Variants in HMCN1 observed in about 807,000 individuals in gnomAD.
HMCN1 encodes the protein hemicentin 1, also known as hemicentin-1.
Under a neutral mutation model 625.9 loss-of-function variants are expected in HMCN1, and 321 were observed. The observed-to-expected ratio is 0.51, with a 90% CI of 0.47 to 0.56. HMCN1 has a LOEUF of 0.56. Among genes scored for constraint, HMCN1 ranks in the 20% least tolerant of loss-of-function variants. The pLI is 0.00. For missense variants in HMCN1, 6,588 were observed against 6,887.3 expected (o/e 0.96, Z 1.54); for synonymous variants, 2,425 against 2,417.6 (o/e 1.00, Z -0.09).
At chr1:186,163,103 G>T (rs971403699) in intron 97 of HMCN1, among the ~76,000 whole-genome samples, 1 of 152,200 alleles carries the variant, frequency 6.6e-6, no homozygotes, top group African/African-American at 2.4e-5. Flanking sequence ...AAGCAAGCCT[G>T]GGAAATGGCG....
At chr1:185,823,531 G>A (rs1309556352) in intron 1 of HMCN1, among the ~76,000 whole-genome samples, 1 of 152,056 alleles carries the variant, frequency 6.6e-6, no homozygotes, top group African/African-American at 2.4e-5. Flanking sequence ...TGTTGCCTCA[G>A]TTTACTACAG....
chr1:185,918,364 C>A (rs888119414), intron 6 of HMCN1, among the ~76,000 whole-genome samples: 10 of 152,132 alleles, frequency 6.6e-5, no homozygotes, highest in African/African-American at 2.2e-4. Flanking sequence ...AAGATGAAAT[C>A]CAGAAGACTC....
chr1:185,999,836 T>C (rs1653054857), intron 25 of HMCN1, among the ~76,000 whole-genome samples: 2 of 152,242 alleles, frequency 1.3e-5, no homozygotes, highest in South Asian at 2.1e-4. Context: ...AACTTTACCA[T>C]AGGTCTCTTA....
In HMCN1 at chr1:185,899,510, A is replaced by C. The variant is rs569873256; in HGVS notation, c.622-9827A>C. ...TTTATGTAAACTATTTTCTCACTTG[A>C]GGTAACTCTTTATAATTTCGTATTT... On this transcript the variant is annotated intron_variant, in intron 4 of 106. Transcript: ENST00000271588. Among the ~76,000 whole-genome samples, 30 of 152,230 alleles carry C rather than the reference A, an allele frequency of 2.0e-4. 1 individual carries two copies. In the South Asian group the frequency reaches 2.9e-3, roughly 15 times the overall value.
chr1:185,912,339 C>CT (rs951166252), intron 6 of HMCN1, among the ~76,000 whole-genome samples: 12 of 151,994 alleles, frequency 7.9e-5, no homozygotes, highest in Non-Finnish European at 1.5e-4. Context: ...GCTGTGTTGG[C>CT]TTTTTTTTAT....
chr1:186,103,434 C>T (rs746395731), intron 68 of HMCN1, 38 bp from the exon 69 acceptor site: 1 of 1,536,838 alleles, frequency 6.5e-7, no homozygotes, highest in Admixed American at 1.7e-5. Flanking sequence ...TTTTATGAAA[C>T]TGTGGGTTTA....
At chr1:186,163,252 C>A (rs964856998) in intron 97 of HMCN1, among the ~76,000 whole-genome samples, 1 of 152,234 alleles carries the variant, frequency 6.6e-6, no homozygotes, top group Non-Finnish European at 1.5e-5. Flanking sequence ...TTTTTTAAGC[C>A]TGTCAGAAAA....
intron 30 of HMCN1, 28 bp from the exon 31 acceptor site, chr1:186,015,131 C>T (rs1558144844): frequency 1.2e-6 from 2 of 1,606,060 alleles, no homozygotes; most frequent in Non-Finnish European, 1.7e-6. Flanking sequence ...ACTTAGATGA[C>T]TTGTTTTTGT....
chr1:186,135,330 C>T (rs1028540131), intron 86 of HMCN1, among the ~76,000 whole-genome samples: 6 of 152,102 alleles, frequency 3.9e-5, no homozygotes, highest in African/African-American at 1.2e-4. Flanking sequence ...CTCAGTGATT[C>T]GTTCTGAGTA....
intron 36 of HMCN1, among the ~76,000 whole-genome samples, chr1:186,027,576 T>C (rs1188307491): frequency 2.0e-5 from 3 of 152,204 alleles, no homozygotes; most frequent in Non-Finnish European, 4.4e-5. Flanking sequence ...AGAGAGAGTA[T>C]ACCACAGTTA....
chr1:186,132,338 C>T lies in HMCN1; in HGVS notation c.13241C>T (p.Ala4414Val), dbSNP rs145311330. 7 of 1,612,070 alleles carry T rather than the reference C, an allele frequency of 4.3e-6. No homozygotes were observed. Among genetic ancestry groups the T allele is most frequent in the East Asian group, 4.5e-5 (2 of 44,790 alleles). The change falls in exon 86 of 107, where the codon GCC becomes GTC. Residue 4414 changes from alanine to valine, a missense_variant. Coordinates refer to ENST00000271588, the MANE Select transcript of HMCN1 (RefSeq NM_031935.3). ...LAIYGTVNED[A>V]GDYTCVATNE... The stretch of plus-strand genomic sequence containing the variant: ...TGCTTATTTCCATAGAATGAAGATG[C>T]CGGTGACTATACATGTGTAGCTACC...
At chr1:185,765,466 G>A (rs75770163) in intron 1 of HMCN1, among the ~76,000 whole-genome samples, 2,310 of 152,224 alleles carry the variant, frequency 0.015, 54 homozygotes, top group African/African-American at 0.048. Context: ...CCAAGTGCTT[G>A]CTAAGTACTG....
At chr1:186,059,907 C>A (rs538038979) in intron 46 of HMCN1, among the ~76,000 whole-genome samples, 1 of 152,064 alleles carries the variant, frequency 6.6e-6, no homozygotes, top group East Asian at 1.9e-4. Context: ...ATGAGGTTGA[C>A]GTTTGTAGAG....
At chr1:185,766,596 G>T (rs1269704204) in intron 1 of HMCN1, among the ~76,000 whole-genome samples, 2 of 152,140 alleles carry the variant, frequency 1.3e-5, no homozygotes, top group African/African-American at 4.8e-5. Context: ...GCCAATCACT[G>T]GTGTTCTCAA....
In HMCN1 at chr1:185,734,645, C is replaced by A; in HGVS notation, c.-135C>A. On this transcript the variant is annotated 5_prime_UTR_variant, in exon 1 of 107. Transcript: ENST00000271588. ...GCTTGTCCCCGTCTGATTCTCAGCG[C>A]CAAACTTTTTGCTAGTTCAGAGATT... The A allele has an allele frequency of 1.2e-6, 1 of 863,604 alleles. No homozygotes were observed. Among genetic ancestry groups the A allele is most frequent in the Non-Finnish European group, 1.9e-6 (1 of 527,646 alleles). The allele number at this position is 863,604 out of a possible 1,614,324, so 53.5% of individuals were successfully genotyped here.
rs532472487 is a variant in HMCN1 at position 186,081,211 on chromosome 1, G to A, written c.8604G>A (p.Pro2868=). The change falls in exon 56 of 107, where the codon CCG becomes CCA. Residue 2868 remains proline (P), a synonymous_variant. Transcript: ENST00000271588. The part of the protein sequence containing the change: ...SLQYDVRVLV[P]PIIKGANSDL... ...TTTGTTGCAATCCTTTGTTAGTGCC[G>A]CCAATTATCAAGGGAGCAAATAGTG... The A allele has an allele frequency of 2.6e-5, 42 of 1,613,008 alleles. No individual in the cohort carries two copies. The highest frequency in any genetic ancestry group is 3.0e-5 in the Non-Finnish European group (35 of 1,179,134).
intron 1 of HMCN1, among the ~76,000 whole-genome samples, chr1:185,797,332 C>T (rs1405942114): frequency 6.6e-6 from 1 of 152,094 alleles, no homozygotes; most frequent in Non-Finnish European, 1.5e-5. Context: ...GAGACTGGGT[C>T]TTGCTCTGTT....
intron 53 of HMCN1, among the ~76,000 whole-genome samples, chr1:186,076,004 C>A (rs1658789995): frequency 1.3e-5 from 2 of 152,120 alleles, no homozygotes; most frequent in Non-Finnish European, 2.9e-5. Flanking sequence ...AATTTTTAAT[C>A]CTGATTGCAT....
At chr1:186,031,015 T>C (rs1438773319) in intron 36 of HMCN1, among the ~76,000 whole-genome samples, 1 of 152,024 alleles carries the variant, frequency 6.6e-6, no homozygotes, top group Non-Finnish European at 1.5e-5. Context: ...TTATCATCTT[T>C]TAAATCAATA....
Sources: gnomAD v4.1 joint callset for allele counts (sites outside exome capture counted in the v4.1 genomes callset) on GRCh38, gnomAD v4.1.1 for gene constraint, MANE v1.5 for transcripts, NCBI Gene and HGNC (gene_info 2026-07-23, HGNC 2026-07-21) for gene names.